Variants in PRKN observed in about 807,000 individuals in gnomAD.
PRKN encodes the protein parkin RBR E3 ubiquitin protein ligase, also known as E3 ubiquitin-protein ligase parkin.
PRKN carries 56 observed loss-of-function variants against 59.5 expected under a neutral mutation model. The ratio of observed to expected loss-of-function variants is 0.94; its 90% CI spans 0.76 to 1.18. The LOEUF is 1.18. Ranked by LOEUF, PRKN falls within the 50% of genes most tolerant of loss-of-function variation. The pLI, the probability that PRKN is intolerant of heterozygous loss-of-function variation, is 0.00. For missense variants in PRKN, 657 were observed against 596.4 expected (o/e 1.10, Z -1.06); for synonymous variants, 250 against 222.1 (o/e 1.13, Z -1.12).
chr6:161,457,706 C>T lies in PRKN; in HGVS notation c.1084-70829G>A, dbSNP rs56257612. On this transcript the variant is annotated intron_variant, in intron 9 of 11. Coordinates refer to ENST00000366898, the MANE Select transcript of PRKN (RefSeq NM_004562.3). This position sits in a 1 kb window ranked among gnomAD's most constrained non-coding sequence, Gnocchi z 5.0. ...ATGAAAATCTACTGTTAGGTACAAA[C>T]GTGTCTCTAGAGAAGAGACTGGTTC... Among the ~76,000 whole-genome samples, 2,672 of 152,292 alleles carry T rather than the reference C, an allele frequency of 0.018. 84 individuals carry two copies. Among genetic ancestry groups the T allele is most frequent in the African/African-American group, 0.06 (2,514 of 41,556 alleles).
intron 2 of PRKN, among the ~76,000 whole-genome samples, chr6:162,375,766 A>ACAC (rs1562712438): frequency 9.9e-6 from 1 of 100,686 alleles, no homozygotes; most frequent in East Asian, 3.1e-4. Flanking sequence ...CACACACACA[A>ACAC]ACACACACCC....
At chr6:161,832,421 C>T (rs539619651) in intron 6 of PRKN, among the ~76,000 whole-genome samples, 9 of 151,942 alleles carry the variant, frequency 5.9e-5, no homozygotes, top group East Asian at 3.9e-4. Context: ...GTCAGGAGAT[C>T]GAGACCATCC....
In PRKN at chr6:161,603,768, T is replaced by C. The variant is rs1169224387; in HGVS notation, c.872-34352A>G. Among the ~76,000 whole-genome samples, 5 of 152,192 alleles carry C rather than the reference T, an allele frequency of 3.3e-5. No homozygotes were observed. In the East Asian group the frequency reaches 9.6e-4, roughly 29 times the overall value. On this transcript the variant is annotated intron_variant, in intron 7 of 11. Coordinates refer to ENST00000366898, the MANE Select transcript of PRKN (RefSeq NM_004562.3). The stretch of plus-strand genomic sequence containing the variant: ...GGGACAAAATTATTTCCATAAGCTC[T>C]GGGAATGCCTCACAGAGGACAGCAA...
intron 5 of PRKN, among the ~76,000 whole-genome samples, chr6:162,005,914 T>A (rs890507109): frequency 1.3e-5 from 2 of 152,136 alleles, no homozygotes; most frequent in Non-Finnish European, 2.9e-5. Context: ...TAGAATTTTA[T>A]AGCCATTTGT....
intron 4 of PRKN, among the ~76,000 whole-genome samples, chr6:162,134,938 C>T (rs192553229): frequency 3.3e-5 from 5 of 152,224 alleles, no homozygotes; most frequent in Admixed American, 3.3e-4. Flanking sequence ...CATACTGAAA[C>T]TATGACAAGC....
intron 4 of PRKN, among the ~76,000 whole-genome samples, chr6:162,091,643 G>C (rs1779501232): frequency 6.6e-6 from 1 of 152,192 alleles, no homozygotes; most frequent in Non-Finnish European, 1.5e-5. Context: ...GGGCAGACAG[G>C]GTATTCACCT....
chr6:161,636,406 C>T (rs1045294915), intron 7 of PRKN, among the ~76,000 whole-genome samples: 6 of 152,212 alleles, frequency 3.9e-5, no homozygotes, highest in Non-Finnish European at 7.3e-5. Flanking sequence ...GACACTGGGC[C>T]GGACCTCTGT....
intron 1 of PRKN, among the ~76,000 whole-genome samples, chr6:162,546,483 G>GT (rs889091879): frequency 6.6e-6 from 1 of 150,992 alleles, no homozygotes; most frequent in African/African-American, 2.4e-5. Context: ...TTAAGACTGA[G>GT]TTTCACTCTT....
intron 6 of PRKN, among the ~76,000 whole-genome samples, chr6:161,787,263 C>A (rs1790457323): frequency 6.6e-6 from 1 of 152,078 alleles, no homozygotes; most frequent in African/African-American, 2.4e-5. Flanking sequence ...GTAATACAAA[C>A]AAAGAAAATA....
chr6:162,013,861 A>C (rs1782828421), intron 5 of PRKN, among the ~76,000 whole-genome samples: 2 of 152,180 alleles, frequency 1.3e-5, no homozygotes, highest in South Asian at 4.1e-4. Context: ...AGTTATTTGG[A>C]AATTTCCTTT....
At chr6:162,133,556 GGAGA>G (rs1324812502) in intron 4 of PRKN, among the ~76,000 whole-genome samples, 1 of 152,118 alleles carries the variant, frequency 6.6e-6, no homozygotes, top group Non-Finnish European at 1.5e-5. Flanking sequence ...ATGGAGAAAG[GGAGA>G]GAAATAGGGC....
At chr6:161,629,410 G>T (rs1783212287) in intron 7 of PRKN, among the ~76,000 whole-genome samples, 1 of 152,056 alleles carries the variant, frequency 6.6e-6, no homozygotes, top group Non-Finnish European at 1.5e-5. Flanking sequence ...CACCCCGGCA[G>T]TTGCTGCCCA....
rs954338682 is a variant in PRKN at position 161,353,070 on chromosome 6, G to T, written c.1286-2859C>A. Among the ~76,000 whole-genome samples the T allele has an allele frequency of 1.3e-5, 2 of 152,062 alleles. No individual in the cohort carries two copies. The highest frequency in any genetic ancestry group is 1.3e-4 in the Admixed American group (2 of 15,256). ...TGGGATTACAGGCATGAGCCACCGC[G>T]CCTGGCTGATAGATGTGTTTTTCAT... On this transcript the variant is annotated intron_variant, in intron 11 of 11. Transcript: ENST00000366898. This position sits in a 1 kb window ranked among gnomAD's most constrained non-coding sequence, Gnocchi z 4.8.
At chr6:162,726,963 G>A (rs1203048208) in intron 1 of PRKN, among the ~76,000 whole-genome samples, 2 of 150,876 alleles carry the variant, frequency 1.3e-5, no homozygotes, top group African/African-American at 2.4e-5. Context: ...ATGCCACTAA[G>A]TTTCGTTCAC....
chr6:162,096,751 C>A (rs1037914140), intron 4 of PRKN, among the ~76,000 whole-genome samples: 1 of 148,356 alleles, frequency 6.7e-6, no homozygotes, highest in Non-Finnish European at 1.5e-5. Context: ...CCCAGCCATG[C>A]AGAACTATGA....
chr6:162,185,460 T>C (rs1209672564), intron 4 of PRKN, among the ~76,000 whole-genome samples: 1 of 152,196 alleles, frequency 6.6e-6, no homozygotes, highest in Non-Finnish European at 1.5e-5. Context: ...CATTATTAAA[T>C]GTTTTTCATG....
chr6:161,981,578 T>C (rs962472493), intron 5 of PRKN, among the ~76,000 whole-genome samples: 4 of 152,056 alleles, frequency 2.6e-5, no homozygotes, highest in Non-Finnish European at 5.9e-5. Flanking sequence ...AACCACAACA[T>C]TCTCTACCTA....
At chr6:161,910,584 T>C (rs115149763) in intron 6 of PRKN, among the ~76,000 whole-genome samples, 1,943 of 152,254 alleles carry the variant, frequency 0.013, 41 homozygotes, top group African/African-American at 0.042. Context: ...TTGTAGTTAG[T>C]TGATAAAGCA....
At chr6:162,339,883 T>C (rs570855981) in intron 2 of PRKN, among the ~76,000 whole-genome samples, 1 of 148,826 alleles carries the variant, frequency 6.7e-6, no homozygotes, top group Non-Finnish European at 1.5e-5. Flanking sequence ...CCACTCAGGG[T>C]TGAATGGATT....
Sources: allele counts gnomAD v4.1 joint callset (sites outside exome capture counted in the v4.1 genomes callset), GRCh38; gene constraint gnomAD v4.1.1; non-coding constraint Gnocchi (gnomAD v3.1); transcripts MANE v1.5; gene names NCBI Gene and HGNC (gene_info 2026-07-23, HGNC 2026-07-21).